The following KHDRBS1 variants were observed in gnomAD, a reference collection of about 807,000 sequenced individuals.
KHDRBS1 encodes the protein KH domain-containing, RNA-binding, signal transduction-associated protein 1.
In KHDRBS1, 7 loss-of-function variants were observed where a neutral mutation model predicts 48.4. The observed-to-expected ratio is 0.14, with a 90% confidence interval of 0.08 to 0.27. KHDRBS1 has a LOEUF of 0.27. KHDRBS1 is among the 10% of genes least tolerant of loss of function. The pLI is 1.00. For missense variants in KHDRBS1, 458 were observed against 601.2 expected, an observed-to-expected ratio of 0.76 and a Z score of 2.49; for synonymous variants, 241 against 235.8, an observed-to-expected ratio of 1.02 and a Z score of -0.20.
chr1:32,043,282 TAAA>T lies in KHDRBS1; in HGVS notation c.*667_*669del, dbSNP rs946065329. 6.8e-6 allele frequency: 1 copy of T among 146,246 alleles called. No individual in the cohort carries two copies. Among genetic ancestry groups the T allele is most frequent in the Non-Finnish European group, 1.5e-5 (1 of 65,950 alleles). 9.1% of individuals were successfully genotyped at this position (146,246 alleles called of 1,614,324 possible). Reference sequence around the variant, plus strand: ...ATGCAATTTTTAACGTTAATTGATATAAAAAAAAAAACAACAAAATTAGGCTTG... The same window carrying T: ...ATGCAATTTTTAACGTTAATTGATATAAAAAAAACAACAAAATTAGGCTTG... On this transcript the variant is annotated 3_prime_UTR_variant, in exon 9 of 9. Coordinates refer to ENST00000327300, the MANE Select transcript of KHDRBS1 (RefSeq NM_006559.3).
intron 3 of KHDRBS1, among the ~76,000 whole-genome samples, chr1:32,032,508 C>T (rs1203038937): frequency 1.3e-5 from 2 of 152,104 alleles, no homozygotes; most frequent in African/African-American, 2.4e-5. Flanking sequence ...AACAGCTCTA[C>T]CTGTGATTTA....
In KHDRBS1 at chr1:32,013,981, C is replaced by T; in HGVS notation, c.-15C>T. The T allele has an allele frequency of 1.4e-6, 2 of 1,480,830 alleles. No homozygotes were observed. Among genetic ancestry groups the T allele is most frequent in the Non-Finnish European group, 1.8e-6 (2 of 1,125,816 alleles). The allele number at this position is 1,480,830 out of a possible 1,614,324, so 91.7% of individuals were successfully genotyped here. A position where few individuals can be genotyped will look rare whatever the true frequency, so the allele number is the denominator to read the frequency against. ...CGCGTCGCTTTCTCGCTCCTTGGAT[C>T]GCACATCCTCCCAGATGCAGCGCCG... On this transcript the variant is annotated 5_prime_UTR_variant, in exon 1 of 9. Coordinates refer to ENST00000327300, the MANE Select transcript of KHDRBS1 (RefSeq NM_006559.3).
In KHDRBS1 at chr1:32,028,367, AC is replaced by A. The variant is rs1639015372; in HGVS notation, c.383-1926del. On this transcript the variant is annotated intron_variant, in intron 1 of 8. Coordinates refer to ENST00000327300, the MANE Select transcript of KHDRBS1 (RefSeq NM_006559.3). Reference sequence around the variant, plus strand: ...TTGTGATGCATGAAGAAGTTTGAGAACCCCCGCCTTAAAATTATAGAAGATG... The same window carrying A: ...TTGTGATGCATGAAGAAGTTTGAGAACCCCGCCTTAAAATTATAGAAGATG... Among the ~76,000 whole-genome samples the A allele has an allele frequency of 1.0e-4, 15 of 150,050 alleles. No individual in the cohort carries two copies. The South Asian group carries it at 3.0e-3, about 30-fold the overall frequency.
chr1:32,057,087 C>G (rs1183433260), intron 10 of KHDRBS1, among the ~76,000 whole-genome samples: 2 of 152,148 alleles, frequency 1.3e-5, no homozygotes, highest in Non-Finnish European at 2.9e-5. Flanking sequence ...GAGGACTTAG[C>G]TAGGCAGAGG....
At chr1:32,044,766 T>C (rs1639338476), downstream of KHDRBS1, among the ~76,000 whole-genome samples, 1 of 152,104 alleles carries the variant, frequency 6.6e-6, no homozygotes, top group Non-Finnish European at 1.5e-5. Context: ...TAAAGGAAAA[T>C]TATCGCAAGA....
At chr1:32,060,262 A>G (rs931706805) in exon 11 of KHDRBS1, 3 of 152,272 alleles carry the variant, frequency 2.0e-5, no homozygotes, top group African/African-American at 7.2e-5. Context: ...GGAGATCAGC[A>G]GTTTTCTTTC....
intron 1 of KHDRBS1, among the ~76,000 whole-genome samples, chr1:32,022,964 G>T (rs1242730990): frequency 6.6e-6 from 1 of 151,852 alleles, no homozygotes; most frequent in East Asian, 1.9e-4. Flanking sequence ...GATAAAGTTG[G>T]TATATAATTT....
chr1:32,045,359 G>A (rs954017787), downstream of KHDRBS1: 2 of 152,580 alleles, frequency 1.3e-5, no homozygotes, highest in African/African-American at 2.4e-5. Context: ...GGCATTTCCT[G>A]GACTAGAATG....
rs375561254 is a variant in KHDRBS1 at position 32,041,427 on chromosome 1, A to C, written c.1235-1100A>C. ...GGTGTGGGAAGAATAAATTTAACGC[A>C]ATTTATTTTCATAAGAGGTCACCTC... On this transcript the variant is annotated intron_variant, in intron 8 of 8. Coordinates refer to ENST00000327300, the MANE Select transcript of KHDRBS1 (RefSeq NM_006559.3). Among the ~76,000 whole-genome samples the C allele has an allele frequency of 3.9e-4, 60 of 152,114 alleles. No individual in the cohort carries two copies. In the South Asian group the frequency reaches 9.5e-3, roughly 24 times the overall value.
rs143773992 is a variant in KHDRBS1, at chr1:32,026,432, A to C, written c.383-3866A>C. On this transcript the variant is annotated intron_variant, in intron 1 of 8. Coordinates refer to ENST00000327300, the MANE Select transcript of KHDRBS1 (RefSeq NM_006559.3). ...CTCAGCTTCCCCAAATGCTGAGATT[A>C]CAAGTGTGAGCCACCATGCCTGGCC... Among the ~76,000 whole-genome samples the C allele has an allele frequency of 5.7e-3, 866 of 152,356 alleles. 10 individuals carry two copies. The highest frequency in any genetic ancestry group is 0.02 in the African/African-American group (834 of 41,574).
At chr1:32,014,843 G>A (rs2124350154) in intron 1 of KHDRBS1, among the ~76,000 whole-genome samples, 1 of 152,326 alleles carries the variant, frequency 6.6e-6, no homozygotes, top group African/African-American at 2.4e-5. Flanking sequence ...AGGTGAGGTG[G>A]GGTGAGGCTG....
chr1:32,032,149 G>A (rs977376383), intron 3 of KHDRBS1, among the ~76,000 whole-genome samples: 2 of 152,158 alleles, frequency 1.3e-5, no homozygotes, highest in Admixed American at 6.5e-5. Flanking sequence ...CCTGACTACA[G>A]AATCTAATGC....
chr1:32,044,269 C>T (rs866486522), downstream of KHDRBS1, among the ~76,000 whole-genome samples: 2 of 152,164 alleles, frequency 1.3e-5, no homozygotes, highest in African/African-American at 4.8e-5. Flanking sequence ...AAGTGTGACA[C>T]CAAATAATTT....
intron 1 of KHDRBS1, among the ~76,000 whole-genome samples, chr1:32,027,512 G>A (rs942980470): frequency 1.3e-5 from 2 of 152,212 alleles, no homozygotes; most frequent in African/African-American, 4.8e-5. Flanking sequence ...TCTGTTAACT[G>A]TAAGGTCAAA....
Position 32,014,478 on chromosome 1 carries a change from A to T in KHDRBS1, c.382+101A>T. On this transcript the variant is annotated intron_variant, in intron 1 of 8. Coordinates refer to ENST00000327300, the MANE Select transcript of KHDRBS1 (RefSeq NM_006559.3). Reference sequence around the variant, plus strand: ...CTTCCCGCCCCCTCGGGACCGAGGCAGTCGGGAGTTCCGGTCTCATCCTCA... The same window carrying T: ...CTTCCCGCCCCCTCGGGACCGAGGCTGTCGGGAGTTCCGGTCTCATCCTCA... 4 of 1,162,050 alleles carry T rather than the reference A, an allele frequency of 3.4e-6. No individual in the cohort carries two copies. In the East Asian group the frequency reaches 1.3e-4, roughly 37 times the overall value. 72.0% of individuals were successfully genotyped at this position (1,162,050 alleles called of 1,614,324 possible). A position where few individuals can be genotyped will look rare whatever the true frequency, so the allele number is the denominator to read the frequency against.
At chr1:32,014,596 A>G (rs1427383789) in intron 1 of KHDRBS1, among the ~76,000 whole-genome samples, 2 of 152,148 alleles carry the variant, frequency 1.3e-5, no homozygotes, top group Non-Finnish European at 2.9e-5. Context: ...CGACTTTGCG[A>G]TCCCCTAGCG....
At chr1:32,049,050 T>A (rs920325210) in intron 10 of KHDRBS1, among the ~76,000 whole-genome samples, 1 of 151,398 alleles carries the variant, frequency 6.6e-6, no homozygotes, top group Non-Finnish European at 1.5e-5. Flanking sequence ...TTTGTTTTTT[T>A]TTTGTTTTTT....
intron 10 of KHDRBS1, among the ~76,000 whole-genome samples, chr1:32,049,866 T>G (rs931802435): frequency 6.6e-6 from 1 of 152,052 alleles, no homozygotes; most frequent in African/African-American, 2.4e-5. Flanking sequence ...TTTCACCGTG[T>G]TAGCCAGGAT....
chr1:32,038,200 C>T, intron 6 of KHDRBS1, 164 bp downstream of exon 6: 1 of 1,136,516 alleles, frequency 8.8e-7, no homozygotes, highest in Non-Finnish European at 1.2e-6. Context: ...GAAGATTTTT[C>T]CATTTTAGGC....
Sources: gnomAD v4.1 joint callset for allele counts (sites outside exome capture counted in the v4.1 genomes callset) on GRCh38, gnomAD v4.1.1 for gene constraint, MANE v1.5 for transcripts, NCBI Gene and HGNC (gene_info 2026-07-23, HGNC 2026-07-21) for gene names.